The following HLA-DMA variants were observed in gnomAD, a reference collection of about 807,000 sequenced individuals.
HLA-DMA encodes the protein HLA class II histocompatibility antigen, DM alpha chain.
A neutral mutation model predicts 27.3 loss-of-function variants in HLA-DMA; 20 were observed. The ratio of observed to expected loss-of-function variants is 0.73; its 90% CI spans 0.52 to 1.07. The LOEUF (loss-of-function observed/expected upper bound fraction) is 1.07. Ranked by LOEUF, HLA-DMA falls within the 50% of genes least tolerant of loss-of-function variation. The pLI is 0.00. For missense variants in HLA-DMA, 241 were observed against 321.7 expected (o/e 0.75, Z 1.92); for synonymous variants, 111 against 126.8 (o/e 0.88, Z 0.83).
Position 32,949,093 on chromosome 6 carries a change from G to A in HLA-DMA, c.781+178C>T, listed in dbSNP as rs919556520. 2.0e-5 allele frequency among the ~76,000 whole-genome samples: 3 copies of A among 152,134 alleles called. No homozygotes were observed. Among genetic ancestry groups the A allele is most frequent in the African/African-American group, 7.2e-5 (3 of 41,414 alleles). ...TCTTGTGACCCATAACTGTGTGTGT[G>A]TAACTGGGTCCCCAACTGGGAAGAT... On this transcript the variant is annotated intron_variant, in intron 4 of 4. Transcript: ENST00000374843. This position sits in a 1 kb window ranked among gnomAD's most constrained non-coding sequence, Gnocchi z 5.8.
Position 32,949,737 on chromosome 6 carries a change from C to T in HLA-DMA, c.526G>A (p.Val176Ile). Residue 176 changes from valine to isoleucine, a missense_variant, in exon 3 of 5, where the codon GTC (valine) becomes ATC (isoleucine). Coordinates refer to ENST00000374843, the MANE Select transcript of HLA-DMA (RefSeq NM_006120.4). The surrounding 1 kb of genome is among the most constrained non-coding windows in gnomAD (Gnocchi z 5.8). ...AAGCTGAGTCCATCGACAGCTGAGA[C>T]AAAAGTAGGCCCAAATCCTTCCACA... Reference protein sequence around the residue: ...VPVEGFGPTFVSAVDGLSFQA... With the variant: ...VPVEGFGPTFISAVDGLSFQA... 6.2e-7 allele frequency: 1 copy of T among 1,613,042 alleles called. No homozygotes were observed.
Position 32,950,162 on chromosome 6 carries a change from A to T in HLA-DMA, c.374-273T>A. 1.7e-6 allele frequency: 1 copy of T among 593,370 alleles called. No individual in the cohort carries two copies. Among genetic ancestry groups the T allele is most frequent in the Non-Finnish European group, 3.0e-6 (1 of 334,612 alleles). 36.8% of individuals were successfully genotyped at this position (593,370 alleles called of 1,614,324 possible). A position where few individuals can be genotyped will look rare whatever the true frequency, so the allele number is the denominator to read the frequency against. ...CACTTCCTGTCTAGAGCTCACATTG[A>T]TGTCTAACCATGCACTGTCTTCTCA... On this transcript the variant is annotated intron_variant, in intron 2 of 4. Transcript: ENST00000374843. The surrounding 1 kb of genome is among the most constrained non-coding windows in gnomAD (Gnocchi z 5.0).
chr6:32,952,556 C>A, intron 1 of HLA-DMA: 1 of 398,426 alleles, frequency 2.5e-6, no homozygotes, highest in Non-Finnish European at 5.1e-6. Context: ...GAGAAGGAAA[C>A]TAAGACACTT....
In HLA-DMA at chr6:32,948,678, C is replaced by G; in HGVS notation, c.*186G>C. The G allele has an allele frequency of 1.5e-6, 1 of 682,668 alleles. No homozygotes were observed. Among genetic ancestry groups the G allele is most frequent in the Non-Finnish European group, 2.6e-6 (1 of 380,150 alleles). The allele number at this position is 682,668 out of a possible 1,614,324, so 42.3% of individuals were successfully genotyped here. ...GGATGTGGTTGTGATAGGCAGGCCA[C>G]TCTGGGATCCCTGGGATGCAAGCCC... On this transcript the variant is annotated 3_prime_UTR_variant, in exon 5 of 5. Transcript: ENST00000374843.
Position 32,950,245 on chromosome 6 carries a change from T to G in HLA-DMA, c.373+274A>C. The G allele has an allele frequency of 1.7e-6, 1 of 595,526 alleles. No homozygotes were observed. The highest frequency in any genetic ancestry group is 3.0e-6 in the Non-Finnish European group (1 of 335,876). 36.9% of individuals were successfully genotyped at this position (595,526 alleles called of 1,614,324 possible). ...CTCTTCCCATCCATCTTGCTGGGCATAGTAGCACAAGTGTTAATATTCAGT... is the reference window on the plus strand; with the variant it reads ...CTCTTCCCATCCATCTTGCTGGGCAGAGTAGCACAAGTGTTAATATTCAGT... On this transcript the variant is annotated intron_variant, in intron 2 of 4. Transcript: ENST00000374843. The surrounding 1 kb of genome is among the most constrained non-coding windows in gnomAD (Gnocchi z 5.0).
chr6:32,950,641 T>A lies in HLA-DMA; in HGVS notation c.251A>T (p.Glu84Val). ...SQNTRVPRLP[E>V]FADWAQEQGD... ...CTGTTCCTGAGCCCAGTCAGCAAAT[T>A]CGGGCAGGCGAGGCACCCGAGTGTT... Residue 84 changes from glutamate to valine, a missense_variant, in exon 2 of 5, where the codon GAA (glutamate) becomes GTA (valine). Coordinates refer to ENST00000374843, the MANE Select transcript of HLA-DMA (RefSeq NM_006120.4). This position sits in a 1 kb window ranked among gnomAD's most constrained non-coding sequence, Gnocchi z 5.0. 1 of 1,613,052 alleles carries A rather than the reference T, an allele frequency of 6.2e-7. No homozygotes were observed. Among genetic ancestry groups the A allele is most frequent in the African/African-American group, 1.3e-5 (1 of 75,032 alleles).
chr6:32,951,083 G>A (rs1307424312), intron 1 of HLA-DMA, among the ~76,000 whole-genome samples: 1 of 152,138 alleles, frequency 6.6e-6, no homozygotes, highest in Non-Finnish European at 1.5e-5. Context: ...CAGGGAGGCA[G>A]AGGTTGCCGG....
chr6:32,948,776 G>A lies in HLA-DMA; in HGVS notation c.*88C>T. 1 of 1,495,494 alleles carries A rather than the reference G, an allele frequency of 6.7e-7. No individual in the cohort carries two copies. Among genetic ancestry groups the A allele is most frequent in the Non-Finnish European group, 9.3e-7 (1 of 1,072,484 alleles). 92.6% of individuals were successfully genotyped at this position (1,495,494 alleles called of 1,614,324 possible). A position where few individuals can be genotyped will look rare whatever the true frequency, so the allele number is the denominator to read the frequency against. On this transcript the variant is annotated 3_prime_UTR_variant, in exon 5 of 5. Coordinates refer to ENST00000374843, the MANE Select transcript of HLA-DMA (RefSeq NM_006120.4). ...GATGTCCCAGAGACTTCTACCCTAA[G>A]AGGAGATCCTGGGCAGGATGTGAGA...
At chr6:32,952,271 T>C (rs1167246798) in intron 1 of HLA-DMA, 1 of 467,530 alleles carries the variant, frequency 2.1e-6, no homozygotes. Flanking sequence ...ACACAAATGG[T>C]AAATTGGAAA....
At chr6:32,952,713 T>C (rs1021714541) in intron 1 of HLA-DMA, among the ~76,000 whole-genome samples, 11 of 152,254 alleles carry the variant, frequency 7.2e-5, no homozygotes, top group African/African-American at 2.7e-4. Flanking sequence ...TCTCATTTTC[T>C]TCATTTGTAA....
At chr6:32,952,617 G>A (rs1776953288) in intron 1 of HLA-DMA, among the ~76,000 whole-genome samples, 1 of 152,244 alleles carries the variant, frequency 6.6e-6, no homozygotes, top group Admixed American at 6.5e-5. Context: ...AGAATCTTGA[G>A]TGGAGGAGTG....
chr6:32,951,635 T>A lies in HLA-DMA; in HGVS notation c.89-832A>T, dbSNP rs901382525. On this transcript the variant is annotated intron_variant, in intron 1 of 4. Coordinates refer to ENST00000374843, the MANE Select transcript of HLA-DMA (RefSeq NM_006120.4). ...GACAGAATGAGCCCGTCTCAAAAAA[T>A]ATATATATAAAGGCCGGGCGCGGTG... Among the ~76,000 whole-genome samples, 7 of 149,172 alleles carry A rather than the reference T, an allele frequency of 4.7e-5. No individual in the cohort carries two copies. In the South Asian group the frequency reaches 8.4e-4, roughly 18 times the overall value.
Position 32,950,089 on chromosome 6 carries a change from G to A in HLA-DMA, c.374-200C>T. 1.6e-6 allele frequency: 1 copy of A among 614,606 alleles called. No individual in the cohort carries two copies. Among genetic ancestry groups the A allele is most frequent in the Non-Finnish European group, 2.8e-6 (1 of 351,332 alleles). 38.1% of individuals were successfully genotyped at this position (614,606 alleles called of 1,614,324 possible). On this transcript the variant is annotated intron_variant, in intron 2 of 4. Transcript: ENST00000374843. This position sits in a 1 kb window ranked among gnomAD's most constrained non-coding sequence, Gnocchi z 5.0. ...AGGACTGCAGCTAGACATAGAAGCAGAGCCAGATCCAGGCTACTCTGGACC... is the reference window on the plus strand; with the variant it reads ...AGGACTGCAGCTAGACATAGAAGCAAAGCCAGATCCAGGCTACTCTGGACC...
chr6:32,948,852 G>C lies in HLA-DMA; in HGVS notation c.*12C>G. On this transcript the variant is annotated 3_prime_UTR_variant, in exon 5 of 5. Transcript: ENST00000374843. ...GCCGAAGCTGCTGGCATCAAACTCT[G>C]GTCTGGAAGAATCAGTCTGGGGGAG... is the stretch of plus-strand genomic sequence containing the variant. 1 of 1,613,888 alleles carries C rather than the reference G, an allele frequency of 6.2e-7. No homozygotes were observed. Among genetic ancestry groups the C allele is most frequent in the Non-Finnish European group, 8.5e-7 (1 of 1,179,940 alleles).
Position 32,953,066 on chromosome 6 carries a change from A to ACCAACCCAG in HLA-DMA, c.-39_-31dup, listed in dbSNP as rs1561889040. ...TCTTGCCACACAGTAGGTAGGAGCTACCAACCCAGCCAACCCAGCTTCCCC... is the reference window on the plus strand; with the variant it reads ...TCTTGCCACACAGTAGGTAGGAGCTACCAACCCAGCCAACCCAGCCAACCCAGCTTCCCC... On this transcript the variant is annotated 5_prime_UTR_variant, in exon 1 of 5. Transcript: ENST00000374843. The ACCAACCCAG allele has an allele frequency of 1.3e-6, 2 of 1,579,340 alleles. No homozygotes were observed. Among genetic ancestry groups the ACCAACCCAG allele is most frequent in the Non-Finnish European group, 1.7e-6 (2 of 1,152,520 alleles).
rs531487483 is a variant in HLA-DMA at position 32,950,651 on chromosome 6, G to A, written c.241C>T (p.Arg81Cys). 4.6e-5 allele frequency: 75 copies of A among 1,613,070 alleles called. No individual in the cohort carries two copies. The South Asian group carries it at 5.3e-4, about 11-fold the overall frequency. The change falls in exon 2 of 5, where the codon CGC becomes TGC. Residue 81 changes from arginine (R) to cysteine (C), a missense_variant. Arg to Cys is a radical substitution (Grantham distance 180, BLOSUM62 -3). Transcript: ENST00000374843. The surrounding 1 kb of genome is among the most constrained non-coding windows in gnomAD (Gnocchi z 5.0). ...GCCCAGTCAGCAAATTCGGGCAGGC[G>A]AGGCACCCGAGTGTTCTGGGAAAAG... is the stretch of plus-strand genomic sequence containing the variant. ...FDFSQNTRVP[R>C]LPEFADWAQE...
chr6:32,952,456 G>C, intron 1 of HLA-DMA: 1 of 471,800 alleles, frequency 2.1e-6, no homozygotes, highest in Non-Finnish European at 4.4e-6. Flanking sequence ...TCAGCCAGCA[G>C]GAAACCTTTA....
In HLA-DMA at chr6:32,949,839, G is replaced by C. The variant is rs769195119; in HGVS notation, c.424C>G (p.Pro142Ala). 14 of 1,612,942 alleles carry C rather than the reference G, an allele frequency of 8.7e-6. No individual in the cohort carries two copies. The highest frequency in any genetic ancestry group is 1.1e-5 in the Non-Finnish European group (13 of 1,180,042). Residue 142 changes from proline (P) to alanine (A), a missense_variant, in exon 3 of 5, where the codon CCC becomes GCC. Pro to Ala is a conservative substitution (Grantham distance 27). Transcript: ENST00000374843. The surrounding 1 kb of genome is among the most constrained non-coding windows in gnomAD (Gnocchi z 5.8). ...FTLKPLEFGK[P>A]NTLVCFVSNL... ...CTGACAAAACAGACCAAAGTGTTGG[G>C]CTTGCCAAACTCCAGGGGCTTCAGC...
rs1193541508 is a variant in HLA-DMA at position 32,950,632 on chromosome 6, T to C, written c.260A>G (p.Asp87Gly). ...TRVPRLPEFADWAQEQGDAPA... is the reference protein window; with the variant it reads ...TRVPRLPEFAGWAQEQGDAPA... ...AGCATCTCCCTGTTCCTGAGCCCAGTCAGCAAATTCGGGCAGGCGAGGCAC... is the reference window on the plus strand; with the variant it reads ...AGCATCTCCCTGTTCCTGAGCCCAGCCAGCAAATTCGGGCAGGCGAGGCAC... The change falls in exon 2 of 5, where the codon GAC (aspartate) becomes GGC (glycine). Residue 87 changes from aspartate to glycine, a missense_variant. Physicochemically the swap from Asp to Gly is moderately conservative, Grantham distance 94 (BLOSUM62 -1). Transcript: ENST00000374843. This position sits in a 1 kb window ranked among gnomAD's most constrained non-coding sequence, Gnocchi z 5.0. 6.2e-7 allele frequency: 1 copy of C among 1,613,076 alleles called. No homozygotes were observed. Among genetic ancestry groups the C allele is most frequent in the South Asian group, 1.1e-5 (1 of 91,084 alleles).
Sources: gnomAD v4.1 joint callset for allele counts (sites outside exome capture counted in the v4.1 genomes callset) on GRCh38, gnomAD v4.1.1 for gene constraint, Gnocchi (gnomAD v3.1) non-coding constraint, MANE v1.5 for transcripts, NCBI Gene and HGNC (gene_info 2026-07-23, HGNC 2026-07-21) for gene names.